NEK10: variants seen among roughly 807,000 people sequenced by gnomAD.
The protein encoded by NEK10 is NIMA related kinase 10, also known as serine/threonine-protein kinase Nek10.
A neutral mutation model predicts 159.8 loss-of-function variants in NEK10; 122 were observed. The ratio of observed to expected loss-of-function variants is 0.76; its 90% CI spans 0.66 to 0.89. The LOEUF (loss-of-function observed/expected upper bound fraction) is 0.89. Among genes scored for constraint, NEK10 ranks in the 40% least tolerant of loss-of-function variants. The probability of loss-of-function intolerance (pLI) is 0.00; values close to 1 mark genes in which losing one functional copy is unlikely to be tolerated. For missense variants in NEK10, 1,342 were observed against 1,323.1 expected (o/e 1.01, Z -0.22); for synonymous variants, 466 against 457.1 (o/e 1.02, Z -0.25).
chr3:27,165,818 G>T (rs1415464705), intron 29 of NEK10, among the ~76,000 whole-genome samples: 1 of 152,098 alleles, frequency 6.6e-6, no homozygotes, highest in African/African-American at 2.4e-5. Context: ...TAGACTTTTC[G>T]CTGAATTAAG....
chr3:27,169,356 A>G (rs1394190193), intron 29 of NEK10, among the ~76,000 whole-genome samples: 1 of 152,160 alleles, frequency 6.6e-6, no homozygotes, highest in Non-Finnish European at 1.5e-5. Context: ...TCTCTTTGGC[A>G]TTTTGGAGTA....
chr3:27,163,760 T>C (rs987751667), intron 29 of NEK10, among the ~76,000 whole-genome samples: 1 of 152,200 alleles, frequency 6.6e-6, no homozygotes, highest in Non-Finnish European at 1.5e-5. Flanking sequence ...AAATATATCA[T>C]ACATGTACTA....
chr3:27,317,808 A>C (rs1559492114), intron 6 of NEK10, among the ~76,000 whole-genome samples: 1 of 151,640 alleles, frequency 6.6e-6, no homozygotes, highest in Non-Finnish European at 1.5e-5. Context: ...TTTATTATTT[A>C]TTTATTTATT....
intron 23 of NEK10, among the ~76,000 whole-genome samples, chr3:27,230,511 T>C (rs1225981889): frequency 2.0e-5 from 3 of 151,952 alleles, no homozygotes; most frequent in Non-Finnish European, 4.4e-5. Flanking sequence ...GAATAGTACC[T>C]CACATCTCAG....
intron 26 of NEK10, among the ~76,000 whole-genome samples, chr3:27,183,062 CTAAA>C (rs1238121469): frequency 1.3e-5 from 2 of 151,886 alleles, no homozygotes; most frequent in Non-Finnish European, 2.9e-5. Context: ...TTTAAAATAA[CTAAA>C]TGAATGCAAT....
chr3:27,140,545 T>G (rs1432847648), intron 31 of NEK10, among the ~76,000 whole-genome samples: 1 of 152,204 alleles, frequency 6.6e-6, no homozygotes, highest in African/African-American at 2.4e-5. Context: ...AATGATTTTT[T>G]GTTTTGGGAT....
At chr3:27,117,733 C>T (rs574751589) in intron 33 of NEK10, among the ~76,000 whole-genome samples, 16 of 152,208 alleles carry the variant, frequency 1.1e-4, no homozygotes, top group Non-Finnish European at 2.1e-4. Context: ...ACACCTTTGT[C>T]GGATAGATAG....
intron 20 of NEK10, among the ~76,000 whole-genome samples, chr3:27,286,834 T>C (rs1275151797): frequency 6.6e-6 from 1 of 152,094 alleles, no homozygotes; most frequent in Admixed American, 6.6e-5. Flanking sequence ...TAGAAAATTA[T>C]TTTAATATCA....
chr3:27,184,997 G>A (rs1022053296), intron 26 of NEK10, among the ~76,000 whole-genome samples: 1 of 152,006 alleles, frequency 6.6e-6, no homozygotes, highest in Non-Finnish European at 1.5e-5. Context: ...TTACATATCT[G>A]TTCAATTCTT....
intron 1 of NEK10, among the ~76,000 whole-genome samples, chr3:27,363,294 C>G (rs533120566): frequency 6.6e-6 from 1 of 152,328 alleles, no homozygotes; most frequent in African/African-American, 2.4e-5. Context: ...CAGGCTGATT[C>G]AGGTCATAAT....
chr3:27,323,302 A>G, intron 5 of NEK10, among the ~76,000 whole-genome samples: 1 of 152,202 alleles, frequency 6.6e-6, no homozygotes, highest in Non-Finnish European at 1.5e-5. Flanking sequence ...AGCTGTTGCC[A>G]TTCGCTAAGA....
At chr3:27,308,064 G>T in intron 10 of NEK10, 119 bp from the exon 11 acceptor site, 1 of 591,576 alleles carries the variant, frequency 1.7e-6, no homozygotes, top group South Asian at 2.1e-5. Context: ...AAAGGAAAGA[G>T]GTTTACTTGA....
intron 30 of NEK10, among the ~76,000 whole-genome samples, chr3:27,145,554 C>T (rs1210312664): frequency 6.6e-6 from 1 of 152,176 alleles, no homozygotes; most frequent in Non-Finnish European, 1.5e-5. Context: ...TTTGTTTCCC[C>T]TTTGCAGTGT....
intron 32 of NEK10, among the ~76,000 whole-genome samples, chr3:27,124,707 A>AAAAC (rs908836752): frequency 2.0e-4 from 30 of 152,342 alleles, no homozygotes; most frequent in African/African-American, 6.0e-4. Flanking sequence ...TAGCTGAAGG[A>AAAAC]AAACGGATGC....
intron 23 of NEK10, among the ~76,000 whole-genome samples, chr3:27,246,575 T>C (rs557965241): frequency 1.3e-5 from 2 of 152,266 alleles, no homozygotes; most frequent in East Asian, 1.9e-4. Context: ...CTTTCAGTTA[T>C]TGTAAAATGT....
intron 26 of NEK10, among the ~76,000 whole-genome samples, chr3:27,181,243 C>T (rs1383498700): frequency 6.8e-6 from 1 of 146,692 alleles, no homozygotes; most frequent in Non-Finnish European, 1.5e-5. Flanking sequence ...AGAAGCTTAC[C>T]AATAACATAA....
At chr3:27,294,882 G>A (rs1413419116) in intron 15 of NEK10, among the ~76,000 whole-genome samples, 7 of 151,708 alleles carry the variant, frequency 4.6e-5, no homozygotes, top group Non-Finnish European at 8.8e-5. Context: ...CCTCAAAAAC[G>A]AACATAGAAC....
intron 32 of NEK10, among the ~76,000 whole-genome samples, chr3:27,128,171 T>C (rs1942190726): frequency 6.6e-6 from 1 of 152,202 alleles, no homozygotes; most frequent in Non-Finnish European, 1.5e-5. Context: ...ATAGACAGTA[T>C]TAAGTGAACC....
chr3:27,171,784 C>CA, intron 29 of NEK10, 35 bp downstream of exon 29: 1 of 1,609,220 alleles, frequency 6.2e-7, no homozygotes, highest in Non-Finnish European at 8.5e-7. Flanking sequence ...TCTGCAAAAT[C>CA]AAAAAATATT....
Sources: gnomAD v4.1 joint callset for allele counts (sites outside exome capture counted in the v4.1 genomes callset) on GRCh38, gnomAD v4.1.1 for gene constraint, MANE v1.5 for transcripts, NCBI Gene and HGNC (gene_info 2026-07-23, HGNC 2026-07-21) for gene names.